Variants in MITF observed in about 807,000 individuals in gnomAD.
The protein encoded by MITF is melanocyte inducing transcription factor, also known as microphthalmia-associated transcription factor.
MITF carries 17 observed loss-of-function variants against 60.5 expected under a neutral mutation model. That is an observed-to-expected ratio of 0.28 (90% CI 0.19 to 0.42). The LOEUF (loss-of-function observed/expected upper bound fraction) is 0.42, where lower values mean the gene tolerates loss of function less well. Among genes scored for constraint, MITF ranks in the 10% least tolerant of loss-of-function variants. The pLI is 1.00. For missense variants in MITF, 622 were observed against 683.5 expected (o/e 0.91, Z 1.00); for synonymous variants, 260 against 248.5 (o/e 1.05, Z -0.43).
intron 1 of MITF, among the ~76,000 whole-genome samples, chr3:69,807,212 C>T (rs1431304370): frequency 6.6e-6 from 1 of 152,170 alleles, no homozygotes; most frequent in Non-Finnish European, 1.5e-5. Flanking sequence ...TTTACAATTC[C>T]TGTGGTACAT....
chr3:69,871,556 A>G (rs1259640827), intron 1 of MITF, among the ~76,000 whole-genome samples: 1 of 152,242 alleles, frequency 6.6e-6, no homozygotes, highest in African/African-American at 2.4e-5. Flanking sequence ...CTGTTAAACC[A>G]TGACAGGTGT....
intron 1 of MITF, among the ~76,000 whole-genome samples, chr3:69,813,854 A>G (rs1575754390): frequency 6.6e-6 from 1 of 152,216 alleles, no homozygotes; most frequent in Non-Finnish European, 1.5e-5. Context: ...TAACTAGGCA[A>G]TGAAAGATTG....
intron 2 of MITF, among the ~76,000 whole-genome samples, chr3:69,895,336 T>TA (rs2064850328): frequency 1.3e-5 from 2 of 152,218 alleles, no homozygotes; most frequent in African/African-American, 4.8e-5. Flanking sequence ...TTAGATACGC[T>TA]ATTATTTTGT....
At chr3:69,906,148 C>A (rs904439339) in intron 2 of MITF, among the ~76,000 whole-genome samples, 9 of 152,118 alleles carry the variant, frequency 5.9e-5, no homozygotes, top group Admixed American at 5.9e-4. Context: ...AGTTATAAAA[C>A]ATGAATTGAA....
rs2066668666 is a variant in MITF at position 69,965,484 on chromosome 3, G to C, written c.*236G>C. ...TTGTACAAATAAGTGTGCAGTATCT[G>C]TGAACTGAATTCACCACAGACTTTA... On this transcript the variant is annotated 3_prime_UTR_variant, in exon 10 of 10. Coordinates refer to ENST00000352241, the MANE Select transcript of MITF (RefSeq NM_001354604.2). 2.3e-6 allele frequency: 1 copy of C among 428,600 alleles called. No homozygotes were observed. Among genetic ancestry groups the C allele is most frequent in the South Asian group, 3.7e-5 (1 of 27,244 alleles). The allele number at this position is 428,600 out of a possible 1,614,324, so 26.5% of individuals were successfully genotyped here.
chr3:69,946,842 C>G (rs1303723362), intron 5 of MITF, among the ~76,000 whole-genome samples: 3 of 152,094 alleles, frequency 2.0e-5, no homozygotes, highest in Non-Finnish European at 2.9e-5. Context: ...CCATGCTAAT[C>G]ACAGCAGTAC....
At chr3:69,835,837 G>T (rs1483827330) in intron 1 of MITF, among the ~76,000 whole-genome samples, 2 of 152,010 alleles carry the variant, frequency 1.3e-5, no homozygotes, top group Non-Finnish European at 2.9e-5. Flanking sequence ...TGGTCTTTGT[G>T]TGTGTTTTTA....
At chr3:69,864,287 A>G (rs1310635435) in intron 1 of MITF, among the ~76,000 whole-genome samples, 5 of 152,188 alleles carry the variant, frequency 3.3e-5, no homozygotes, top group Non-Finnish European at 7.3e-5. Flanking sequence ...TTTCATGCCA[A>G]ACTGTGCTAG....
intron 1 of MITF, among the ~76,000 whole-genome samples, chr3:69,796,662 G>T (rs1418262265): frequency 6.6e-6 from 1 of 150,586 alleles, no homozygotes; most frequent in South Asian, 2.1e-4. Flanking sequence ...GCCCGCCACC[G>T]CGCCCGGCTA....
At chr3:69,797,861 G>T (rs528449880) in intron 1 of MITF, among the ~76,000 whole-genome samples, 1 of 152,230 alleles carries the variant, frequency 6.6e-6, no homozygotes, top group East Asian at 1.9e-4. Context: ...GAGTGCTGTG[G>T]GTCAGAGATT....
Position 69,967,335 on chromosome 3 carries a change from C to G in MITF, c.*2087C>G, listed in dbSNP as rs995483616. On this transcript the variant is annotated 3_prime_UTR_variant, in exon 10 of 10. Coordinates refer to ENST00000352241, the MANE Select transcript of MITF (RefSeq NM_001354604.2). ...TAGTGACGCAAATCTGCATGAACAG[C>G]TAATTGTACCATAGTGTTCATTGAT... 8.6e-6 allele frequency: 2 copies of G among 232,646 alleles called. No homozygotes were observed. Among genetic ancestry groups the G allele is most frequent in the Non-Finnish European group, 1.7e-5 (2 of 117,526 alleles). The allele number at this position is 232,646 out of a possible 1,614,324, so 14.4% of individuals were successfully genotyped here.
At chr3:69,847,791 A>G (rs978021258) in intron 1 of MITF, among the ~76,000 whole-genome samples, 1 of 152,164 alleles carries the variant, frequency 6.6e-6, no homozygotes, top group Non-Finnish European at 1.5e-5. Flanking sequence ...GCCATGTTTC[A>G]TTTCTTGAGA....
At chr3:69,815,058 C>T (rs917299081) in intron 1 of MITF, among the ~76,000 whole-genome samples, 27 of 152,106 alleles carry the variant, frequency 1.8e-4, no homozygotes, top group Non-Finnish European at 2.9e-4. Context: ...AGATGCTAAC[C>T]ATAAATACAG....
chr3:69,947,681 G>A (rs1231596010), intron 5 of MITF, among the ~76,000 whole-genome samples: 1 of 152,104 alleles, frequency 6.6e-6, no homozygotes, highest in African/African-American at 2.4e-5. Flanking sequence ...AGAGGGAGTT[G>A]TATTCTGCTG....
chr3:69,799,206 G>C (rs887648241), intron 1 of MITF, among the ~76,000 whole-genome samples: 1 of 152,134 alleles, frequency 6.6e-6, no homozygotes, highest in Admixed American at 6.5e-5. Context: ...GTTCATCCTT[G>C]GGAGAATGCA....
chr3:69,953,990 C>G (rs1353428747), intron 7 of MITF, among the ~76,000 whole-genome samples: 3 of 152,110 alleles, frequency 2.0e-5, no homozygotes, highest in Non-Finnish European at 2.9e-5. Flanking sequence ...ACAATTTGCC[C>G]AGGCATATAG....
Position 69,949,454 on chromosome 3 carries a change from G to T in MITF, c.880+286G>T, listed in dbSNP as rs541638755. Among the ~76,000 whole-genome samples, 4 of 152,156 alleles carry T rather than the reference G, an allele frequency of 2.6e-5. No individual in the cohort carries two copies. In the South Asian group the frequency reaches 8.3e-4, roughly 32 times the overall value. On this transcript the variant is annotated intron_variant, in intron 6 of 9. Transcript: ENST00000352241. ...TGTGTGTGTGGTGAAGGTCCCCTTT[G>T]TGTTGGGGATAGTAGGCAACTCTTT...
intron 1 of MITF, among the ~76,000 whole-genome samples, chr3:69,868,391 C>T (rs1197118479): frequency 6.6e-6 from 1 of 152,112 alleles, no homozygotes; most frequent in Non-Finnish European, 1.5e-5. Flanking sequence ...GGGCTTAATG[C>T]TATTATCTGT....
At chr3:69,962,994 C>T (rs193137739) in intron 9 of MITF, among the ~76,000 whole-genome samples, 12 of 152,262 alleles carry the variant, frequency 7.9e-5, no homozygotes, top group Admixed American at 2.6e-4. Flanking sequence ...CCTGTGTGTT[C>T]ACATGGTCTT....
Sources: gnomAD v4.1 joint callset for allele counts (sites outside exome capture counted in the v4.1 genomes callset) on GRCh38, gnomAD v4.1.1 for gene constraint, MANE v1.5 for transcripts, NCBI Gene and HGNC (gene_info 2026-07-23, HGNC 2026-07-21) for gene names.